The following PLAAT1 variants were observed in gnomAD, a reference collection of about 807,000 sequenced individuals.
PLAAT1 encodes the protein H-REV107 protein-related protein.
In PLAAT1, 13 loss-of-function variants were observed where a neutral mutation model predicts 16.4. That is an observed-to-expected ratio of 0.79 (90% CI 0.52 to 1.26). The LOEUF (loss-of-function observed/expected upper bound fraction) is 1.26, where lower values mean the gene tolerates loss of function less well. Ranked by LOEUF, PLAAT1 falls within the 50% of genes most tolerant of loss-of-function variation. The pLI is 0.00. For synonymous variants in PLAAT1, 73 were observed against 78.4 expected (o/e 0.93, Z 0.36); for missense variants, 218 against 207.8 (o/e 1.05, Z -0.30).
Position 193,270,615 on chromosome 3 carries a change from G to A in PLAAT1, c.417G>A (p.Ala139=), listed in dbSNP as rs370480783. 19 of 1,612,880 alleles carry A rather than the reference G, an allele frequency of 1.2e-5. No individual in the cohort carries two copies. The African/African-American group carries it at 1.2e-4, about 10-fold the overall frequency. Residue 139 remains alanine, a synonymous_variant, in exon 4 of 4, where the codon GCG becomes GCA. Coordinates refer to ENST00000264735, the MANE Select transcript of PLAAT1 (RefSeq NM_020386.5). ...GEGVSEQANR[A]ISTVEFVTAA... is the part of the protein sequence containing the mutation. ...TTGTTTCCTTATAGGCCAACCGAGC[G>A]ATAAGTACCGTTGAGTTTGTGACAG...
At chr3:193,254,855 C>T (rs1249514102) in intron 1 of PLAAT1, among the ~76,000 whole-genome samples, 2 of 152,066 alleles carry the variant, frequency 1.3e-5, no homozygotes, top group Non-Finnish European at 2.9e-5. Context: ...GGGTGCAAAC[C>T]AGAGTACCTA....
At chr3:193,252,917 T>C (rs1716246147) in intron 1 of PLAAT1, among the ~76,000 whole-genome samples, 1 of 145,960 alleles carries the variant, frequency 6.9e-6, no homozygotes, top group Non-Finnish European at 1.5e-5. Context: ...TTAAGCTGCA[T>C]TCCTGGAAGT....
downstream of PLAAT1, among the ~76,000 whole-genome samples, chr3:193,271,802 G>A (rs564267447): frequency 6.6e-5 from 10 of 152,106 alleles, no homozygotes; most frequent in East Asian, 1.4e-3. Context: ...CAGAGGACTC[G>A]GTGAAAGTCT....
chr3:193,244,707 G>C (rs1715913880), intron 1 of PLAAT1, among the ~76,000 whole-genome samples: 1 of 152,106 alleles, frequency 6.6e-6, no homozygotes, highest in African/African-American at 2.4e-5. Flanking sequence ...CCTTCTTGTT[G>C]GTGGAGACTC....
chr3:193,254,538 T>C (rs1716306051), intron 1 of PLAAT1, among the ~76,000 whole-genome samples: 1 of 152,206 alleles, frequency 6.6e-6, no homozygotes, highest in African/African-American at 2.4e-5. Flanking sequence ...TGAGTCATTC[T>C]ACTTCTATTC....
chr3:193,280,895 C>T (rs1397530355), downstream of PLAAT1, among the ~76,000 whole-genome samples: 12 of 152,054 alleles, frequency 7.9e-5, no homozygotes, highest in Non-Finnish European at 1.2e-4. Flanking sequence ...CCACCCCCAA[C>T]TCTCTACAGG....
chr3:193,266,901 G>T (rs1716798800), intron 3 of PLAAT1, among the ~76,000 whole-genome samples: 1 of 151,726 alleles, frequency 6.6e-6, no homozygotes, highest in Non-Finnish European at 1.5e-5. Flanking sequence ...TTAAGCTTAG[G>T]GCCCTTGAGC....
chr3:193,279,828 T>C (rs1577320234), downstream of PLAAT1, among the ~76,000 whole-genome samples: 1 of 151,956 alleles, frequency 6.6e-6, no homozygotes, highest in African/African-American at 2.4e-5. Context: ...GATCCTCTAT[T>C]GACATTCAAG....
upstream of PLAAT1, chr3:193,241,117 C>T (rs1225471748): frequency 4.9e-6 from 4 of 813,376 alleles, no homozygotes; most frequent in East Asian, 4.3e-5. Flanking sequence ...GTGCAGTTCC[C>T]CGGCGGGCGG....
At chr3:193,273,247 T>G (rs1279785630), downstream of PLAAT1, among the ~76,000 whole-genome samples, 2 of 152,218 alleles carry the variant, frequency 1.3e-5, no homozygotes, top group Non-Finnish European at 2.9e-5. Flanking sequence ...TTTTTTTAGT[T>G]TGATACATAG....
chr3:193,258,935 G>A (rs73072884), intron 2 of PLAAT1, among the ~76,000 whole-genome samples: 2,863 of 151,928 alleles, frequency 0.019, 79 homozygotes, highest in African/African-American at 0.066. Context: ...TACCAAAATC[G>A]GAGAGACACA....
At position 193,261,937 on chromosome 3, in the gene PLAAT1, C is replaced by G. The variant is rs115657697; in HGVS notation, c.140-1033C>G. 1.8e-3 allele frequency among the ~76,000 whole-genome samples: 271 copies of G among 152,256 alleles called. 1 individual carries two copies. Among genetic ancestry groups the G allele is most frequent in the Middle Eastern group, 6.8e-3 (2 of 294 alleles). ...ATGTGTAAGATGTTCACTGGAACAT[C>G]TCACATTCCGTGAGAAGGAGGACAG... On this transcript the variant is annotated intron_variant, in intron 2 of 3. Transcript: ENST00000264735.
intron 2 of PLAAT1, among the ~76,000 whole-genome samples, chr3:193,256,183 C>T (rs1263243979): frequency 1.3e-5 from 2 of 152,168 alleles, no homozygotes; most frequent in Non-Finnish European, 2.9e-5. Flanking sequence ...GGTATACAGA[C>T]GTCTCCCTGC....
chr3:193,246,868 G>A (rs1716001527), intron 1 of PLAAT1, among the ~76,000 whole-genome samples: 2 of 152,082 alleles, frequency 1.3e-5, no homozygotes, highest in African/African-American at 2.4e-5. Context: ...GGTAATACTG[G>A]CCTCATAAAA....
chr3:193,254,222 C>G (rs1229147129), intron 1 of PLAAT1, among the ~76,000 whole-genome samples: 1 of 152,154 alleles, frequency 6.6e-6, no homozygotes, highest in Admixed American at 6.6e-5. Context: ...GATGATTGAA[C>G]TTTTCAACAG....
chr3:193,241,088 T>C (rs934628834), upstream of PLAAT1: 95 of 696,418 alleles, frequency 1.4e-4, no homozygotes, highest in Non-Finnish European at 1.5e-4. Context: ...CGGAGGCGGC[T>C]GCGTCGGGGC....
At chr3:193,279,284 G>T, downstream of PLAAT1, 1 of 1,116,704 alleles carries the variant, frequency 9.0e-7, no homozygotes, top group Non-Finnish European at 1.3e-6. Flanking sequence ...AGAGAATACA[G>T]TAATAATTGA....
downstream of PLAAT1, among the ~76,000 whole-genome samples, chr3:193,280,298 C>T (rs144326355): frequency 3.9e-3 from 600 of 152,220 alleles, 3 homozygotes; most frequent in African/African-American, 0.014. Context: ...GCGATCCACC[C>T]GCCTCGGCCT....
At chr3:193,248,949 A>G (rs972847475) in intron 1 of PLAAT1, among the ~76,000 whole-genome samples, 21 of 151,998 alleles carry the variant, frequency 1.4e-4, no homozygotes, top group African/African-American at 5.1e-4. Context: ...TTTTCCTTCA[A>G]TGTGAAGTGC....
Sources: gnomAD v4.1 joint callset for allele counts (sites outside exome capture counted in the v4.1 genomes callset) on GRCh38, gnomAD v4.1.1 for gene constraint, MANE v1.5 for transcripts, NCBI Gene and HGNC (gene_info 2026-07-23, HGNC 2026-07-21) for gene names.